The following ITSN1 variants were observed in gnomAD, a reference collection of about 807,000 sequenced individuals.
ITSN1 encodes intersectin 1, also known as intersectin-1.
In ITSN1, 58 loss-of-function variants were observed where a neutral mutation model predicts 239.8. That is an observed-to-expected ratio of 0.24 (90% CI 0.20 to 0.30). ITSN1 has a LOEUF of 0.30. Ranked by LOEUF, ITSN1 falls within the 10% of genes least tolerant of loss-of-function variation. The probability of loss-of-function intolerance (pLI) is 1.00; values close to 1 mark genes in which losing one functional copy is unlikely to be tolerated. For missense variants in ITSN1, 1,558 were observed against 2,103.3 expected, an observed-to-expected ratio of 0.74 and a Z score of 5.07; for synonymous variants, 780 against 770.8, an observed-to-expected ratio of 1.01 and a Z score of -0.20.
intron 1 of ITSN1, among the ~76,000 whole-genome samples, chr21:33,679,441 A>T (rs1330289450): frequency 2.0e-5 from 3 of 152,186 alleles, no homozygotes. Flanking sequence ...TACTCAGTTA[A>T]TTAGAAATGC....
rs373035732 is a variant in ITSN1, at chr21:33,700,073, T to C, written c.-32-18724T>C. 2.0e-5 allele frequency among the ~76,000 whole-genome samples: 3 copies of C among 150,152 alleles called. No homozygotes were observed. The East Asian group carries it at 5.9e-4, about 29-fold the overall frequency. On this transcript the variant is annotated intron_variant, in intron 1 of 39. Transcript: ENST00000381318. The stretch of plus-strand genomic sequence containing the variant: ...CACCTGCCCTGCTTGAATTGTTTTT[T>C]TTTTGTTGTTGTTTTGTTTTTTTTT...
chr21:33,813,871 A>C, intron 21 of ITSN1, 42 bp from the exon 22 acceptor site: 1 of 1,565,414 alleles, frequency 6.4e-7, no homozygotes, highest in Non-Finnish European at 8.7e-7. Context: ...CTGGTATATT[A>C]GGGAGTGCTT....
At chr21:33,828,051 GT>G (rs1277414568) in intron 26 of ITSN1, among the ~76,000 whole-genome samples, 1 of 152,238 alleles carries the variant, frequency 6.6e-6, no homozygotes, top group African/African-American at 2.4e-5. Context: ...TTAAGTGTAA[GT>G]TTTCTAAGTT....
At chr21:33,701,466 G>C (rs186898617) in intron 1 of ITSN1, among the ~76,000 whole-genome samples, 54 of 152,032 alleles carry the variant, frequency 3.6e-4, no homozygotes, top group African/African-American at 1.3e-3. Context: ...TTGCATGCTT[G>C]TTATTTTTAA....
chr21:33,679,698 C>T (rs1480839461), intron 1 of ITSN1, among the ~76,000 whole-genome samples: 3 of 86,320 alleles, frequency 3.5e-5, no homozygotes, highest in African/African-American at 4.7e-5. Flanking sequence ...GATCCTTATC[C>T]TTTTTTTTTT....
At chr21:33,861,717 C>T (rs1223595030) in intron 31 of ITSN1, among the ~76,000 whole-genome samples, 12 of 151,892 alleles carry the variant, frequency 7.9e-5, no homozygotes, top group Admixed American at 5.2e-4. Flanking sequence ...GAGGCCGAGG[C>T]GGGTGGATCA....
intron 25 of ITSN1, among the ~76,000 whole-genome samples, chr21:33,825,519 G>A (rs1408254228): frequency 2.0e-5 from 3 of 152,148 alleles, no homozygotes; most frequent in African/African-American, 2.4e-5. Flanking sequence ...CAGTCTGGGG[G>A]ACTTTATAGG....
intron 1 of ITSN1, among the ~76,000 whole-genome samples, chr21:33,703,997 G>C (rs1348449961): frequency 6.6e-6 from 1 of 152,200 alleles, no homozygotes; most frequent in Non-Finnish European, 1.5e-5. Context: ...GGACCTCAGA[G>C]AGAAGAATGC....
intron 16 of ITSN1, among the ~76,000 whole-genome samples, chr21:33,788,110 A>G (rs2070810986): frequency 6.6e-6 from 1 of 152,222 alleles, no homozygotes; most frequent in Non-Finnish European, 1.5e-5. Context: ...TTTGTGACTG[A>G]AGCAGACACT....
chr21:33,719,005 C>T, intron 2 of ITSN1, 149 bp downstream of exon 2: 1 of 667,946 alleles, frequency 1.5e-6, no homozygotes, highest in Non-Finnish European at 2.6e-6. Flanking sequence ...ATTATCAACT[C>T]ATGCCCAATA....
intron 7 of ITSN1, among the ~76,000 whole-genome samples, chr21:33,752,161 G>A (rs1212745839): frequency 6.6e-6 from 1 of 150,778 alleles, no homozygotes; most frequent in Non-Finnish European, 1.5e-5. Context: ...TTTTTAAAGA[G>A]GATAACAAAT....
intron 1 of ITSN1, among the ~76,000 whole-genome samples, 174 bp downstream of exon 1, chr21:33,642,887 C>T (rs957885784): frequency 3.3e-5 from 5 of 151,582 alleles, no homozygotes; most frequent in African/African-American, 4.8e-5. Context: ...CAGCGGCTGC[C>T]CCTCTGCCTT....
intron 31 of ITSN1, among the ~76,000 whole-genome samples, chr21:33,859,451 A>G (rs941059376): frequency 1.3e-5 from 2 of 152,132 alleles, no homozygotes; most frequent in Admixed American, 6.5e-5. Context: ...TAGAAAAAAA[A>G]AAAAGTCAAA....
intron 4 of ITSN1, among the ~76,000 whole-genome samples, chr21:33,727,945 T>G (rs912837205): frequency 2.0e-5 from 3 of 151,674 alleles, no homozygotes; most frequent in African/African-American, 7.3e-5. Context: ...CTTTAGAGTC[T>G]AGTCTCCAAA....
chr21:33,781,444 T>G lies in ITSN1; in HGVS notation c.1597-17T>G. On this transcript the variant is annotated splice_polypyrimidine_tract_variant and intron_variant, in intron 14 of 39. Transcript: ENST00000381318. ...CCTTCCCTGTCATTCATTACTATTT[T>G]CCTCCTTCCTTCCCAGGAATCTCAG... 7.0e-7 allele frequency: 1 copy of G among 1,423,576 alleles called. No homozygotes were observed. The highest frequency in any genetic ancestry group is 9.9e-7 in the Non-Finnish European group (1 of 1,011,158). The allele number at this position is 1,423,576 out of a possible 1,614,324, so 88.2% of individuals were successfully genotyped here.
intron 1 of ITSN1, among the ~76,000 whole-genome samples, chr21:33,710,235 C>T (rs373620975): frequency 5.3e-5 from 8 of 152,044 alleles, no homozygotes; most frequent in East Asian, 1.9e-4. Flanking sequence ...CCGGCCACCA[C>T]GCCTGGCTAA....
rs1306436150 is a variant in ITSN1, at chr21:33,898,918, T to C, written c.*10618T>C. On this transcript the variant is annotated 3_prime_UTR_variant, in exon 40 of 40. Transcript: ENST00000381318. ...GTGCATGAATAATCTGCAAATCACT[T>C]AGAGGCACTGTCCATGTGGTCCATA... The C allele has an allele frequency of 1.3e-5, 2 of 152,226 alleles. No individual in the cohort carries two copies. The highest frequency in any genetic ancestry group is 2.9e-5 in the Non-Finnish European group (2 of 68,044). The allele number at this position is 152,226 out of a possible 1,614,324, so 9.4% of individuals were successfully genotyped here. A position where few individuals can be genotyped will look rare whatever the true frequency, so the allele number is the denominator to read the frequency against.
intron 1 of ITSN1, among the ~76,000 whole-genome samples, chr21:33,671,431 C>T (rs1449016349): frequency 1.3e-5 from 2 of 151,786 alleles, no homozygotes; most frequent in Middle Eastern, 3.2e-3. Flanking sequence ...GGATTACAGG[C>T]GCCGGCCACC....
Position 33,865,562 on chromosome 21 carries a change from A to T in ITSN1, c.4074+228A>T, listed in dbSNP as rs894725503. Among the ~76,000 whole-genome samples, 5 of 152,206 alleles carry T rather than the reference A, an allele frequency of 3.3e-5. No individual in the cohort carries two copies. Among genetic ancestry groups the T allele is most frequent in the African/African-American group, 4.8e-5 (2 of 41,456 alleles). ...GAACCCTGGGCTTGGAAGCTTTGAA[A>T]GTGTCTTTAGGGATCTGTTTTCCAG... On this transcript the variant is annotated intron_variant, in intron 32 of 39. Coordinates refer to ENST00000381318, the MANE Select transcript of ITSN1 (RefSeq NM_003024.3). The surrounding 1 kb of genome is among the most constrained non-coding windows in gnomAD (Gnocchi z 4.4).
Sources: gnomAD v4.1 joint callset for allele counts (sites outside exome capture counted in the v4.1 genomes callset) on GRCh38, gnomAD v4.1.1 for gene constraint, Gnocchi (gnomAD v3.1) non-coding constraint, MANE v1.5 for transcripts, NCBI Gene and HGNC (gene_info 2026-07-23, HGNC 2026-07-21) for gene names.